HCN2: variants seen among roughly 807,000 people sequenced by gnomAD.
The protein encoded by HCN2 is potassium/sodium hyperpolarization-activated cyclic nucleotide-gated channel 2.
Under a neutral mutation model 52.3 loss-of-function variants are expected in HCN2, and 20 were observed. The ratio of observed to expected loss-of-function variants is 0.38; its 90% confidence interval spans 0.27 to 0.56. The LOEUF (loss-of-function observed/expected upper bound fraction) is 0.56, where lower values mean the gene tolerates loss of function less well. HCN2 is among the 20% of genes least tolerant of loss of function. The pLI, the probability that HCN2 is intolerant of heterozygous loss-of-function variation, is 0.71. For missense variants in HCN2, 981 were observed against 1,207.7 expected (o/e 0.81, Z 2.78); for synonymous variants, 694 against 537.0 (o/e 1.29, Z -4.04).
intron 6 of HCN2, 130 bp from the exon 7 acceptor site, chr19:613,717 GGGGCC>G: frequency 1.1e-6 from 1 of 928,898 alleles, no homozygotes; most frequent in Non-Finnish European, 1.4e-6. Flanking sequence ...GGATGGGGCC[GGGGCC>G]GGCACCAGGG....
At position 590,731 on chromosome 19, in the gene HCN2, C is replaced by T; in HGVS notation, c.632+154C>T. The T allele has an allele frequency of 4.3e-6, 2 of 461,328 alleles. No individual in the cohort carries two copies. Among genetic ancestry groups the T allele is most frequent in the Non-Finnish European group, 6.6e-6 (2 of 300,890 alleles). The allele number at this position is 461,328 out of a possible 1,614,324, so 28.6% of individuals were successfully genotyped here. A position where few individuals can be genotyped will look rare whatever the true frequency, so the allele number is the denominator to read the frequency against. ...ACCTCGGGCGTGTCCGGGACCCGCC[C>T]CGGAGTGACCCCGGCGCGCGAGGCT... is the stretch of plus-strand genomic sequence containing the variant. On this transcript the variant is annotated intron_variant, in intron 1 of 7. Coordinates refer to ENST00000251287, the MANE Select transcript of HCN2 (RefSeq NM_001194.4). This position sits in a 1 kb window ranked among gnomAD's most constrained non-coding sequence, Gnocchi z 7.2.
chr19:598,095 G>T (rs1983092960), intron 1 of HCN2, among the ~76,000 whole-genome samples: 1 of 152,220 alleles, frequency 6.6e-6, no homozygotes, highest in South Asian at 2.1e-4. Flanking sequence ...GAGGGGCAGG[G>T]GGCCAGCGGC....
chr19:597,911 G>C (rs1465330107), intron 1 of HCN2, among the ~76,000 whole-genome samples: 1 of 152,186 alleles, frequency 6.6e-6, no homozygotes, highest in Non-Finnish European at 1.5e-5. Context: ...GGTCTCTGGA[G>C]CCCCCTGGGA....
In HCN2 at chr19:616,288, T is replaced by A; in HGVS notation, c.2484T>A (p.Pro828=). 9.3e-7 allele frequency: 1 copy of A among 1,074,354 alleles called. No individual in the cohort carries two copies. Among genetic ancestry groups the A allele is most frequent in the Non-Finnish European group, 1.1e-6 (1 of 887,692 alleles). The allele number at this position is 1,074,354 out of a possible 1,614,324, so 66.6% of individuals were successfully genotyped here. A position where few individuals can be genotyped will look rare whatever the true frequency, so the allele number is the denominator to read the frequency against. Residue 828 remains proline (P), a synonymous_variant, in exon 8 of 8, where the codon CCT becomes CCA. Transcript: ENST00000251287. ...TGTCCGCCTCGCAGCCCTCGCTGCCTCACGGCGCCCCCGGCCCCGCGGCCT... is the reference window on the plus strand; with the variant it reads ...TGTCCGCCTCGCAGCCCTCGCTGCCACACGGCGCCCCCGGCCCCGCGGCCT... ...RPLSASQPSL[P]HGAPGPAAST...
chr19:612,859 G>A (rs1474529248), intron 5 of HCN2, among the ~76,000 whole-genome samples: 3 of 140,950 alleles, frequency 2.1e-5, no homozygotes, highest in Non-Finnish European at 4.6e-5. Context: ...TTTTTTTTCC[G>A]GTAGAGACGG....
In HCN2 at chr19:590,410, G is replaced by C. The variant is rs765384588; in HGVS notation, c.465G>C (p.Pro155=). The C allele has an allele frequency of 5.9e-5, 81 of 1,363,936 alleles. No homozygotes were observed. Among genetic ancestry groups the C allele is most frequent in the Non-Finnish European group, 7.7e-5 (81 of 1,045,336 alleles). The allele number at this position is 1,363,936 out of a possible 1,614,324, so 84.5% of individuals were successfully genotyped here. Residue 155 remains proline (P), a synonymous_variant, in exon 1 of 8, where the codon CCG becomes CCC. Coordinates refer to ENST00000251287, the MANE Select transcript of HCN2 (RefSeq NM_001194.4). This position sits in a 1 kb window ranked among gnomAD's most constrained non-coding sequence, Gnocchi z 7.2. ...AGGAGGCGGGCCCGGCGGGGGAGCC[G>C]CGCGGCAGCCAGGCCAGCTTCATGC... ...GSEEAGPAGE[P]RGSQASFMQR... is the part of the protein sequence containing the mutation.
In HCN2 at chr19:610,241, C is replaced by G. The variant is rs751480058; in HGVS notation, c.1438-18C>G. 1.9e-6 allele frequency: 3 copies of G among 1,607,812 alleles called. No homozygotes were observed. The highest frequency in any genetic ancestry group is 2.2e-5 in the South Asian group (2 of 90,874). On this transcript the variant is annotated intron_variant, in intron 4 of 7. Transcript: ENST00000251287. ...GGCCGGGGGCGGTGTCTGACCCAGC[C>G]TCGCCTCCTCCCCACAGTACAAGCA...
chr19:617,091 C>G lies in HCN2; in HGVS notation c.*617C>G, dbSNP rs888751264. 6.9e-6 allele frequency: 4 copies of G among 582,140 alleles called. No individual in the cohort carries two copies. The highest frequency in any genetic ancestry group is 5.7e-5 in the South Asian group (3 of 52,546). 36.1% of individuals were successfully genotyped at this position (582,140 alleles called of 1,614,324 possible). ...CGAGCCGAGGCAGCAGTGCCCCCACCGTGGCCCCCCACGCCCCATTAACCC... is the reference window on the plus strand; with the variant it reads ...CGAGCCGAGGCAGCAGTGCCCCCACGGTGGCCCCCCACGCCCCATTAACCC... On this transcript the variant is annotated 3_prime_UTR_variant, in exon 8 of 8. Coordinates refer to ENST00000251287, the MANE Select transcript of HCN2 (RefSeq NM_001194.4).
At chr19:613,007 G>A (rs983767212) in intron 5 of HCN2, among the ~76,000 whole-genome samples, 9 of 152,188 alleles carry the variant, frequency 5.9e-5, no homozygotes, top group Admixed American at 5.9e-4. Context: ...GTCTACAGCC[G>A]CCCCTCCTGG....
chr19:612,427 T>TGTGTGTGTGTGAGAGAGAGA, intron 5 of HCN2, among the ~76,000 whole-genome samples: 129 of 142,354 alleles, frequency 9.1e-4, no homozygotes, highest in African/African-American at 3.2e-3. Flanking sequence ...TGTGTGTGTG[T>TGTGTGTGTGTGAGAGAGAGA]GAGAGAGAGA....
chr19:612,427 T>TGTGTGTGTGTGTGTGAGAGA lies in HCN2; in HGVS notation c.1585-820_1585-819insTGTGTGTGTGTGTGAGAGAG. On this transcript the variant is annotated intron_variant, in intron 5 of 7. Transcript: ENST00000251287. ...GTGTGTGTGTGTGTGTGTGTGTGTG[T>TGTGTGTGTGTGTGTGAGAGA]GAGAGAGAGATGGAGTCTCGCTCTG... Among the ~76,000 whole-genome samples the TGTGTGTGTGTGTGTGAGAGA allele has an allele frequency of 1.3e-3, 189 of 142,342 alleles. 1 individual carries two copies. The highest frequency in any genetic ancestry group is 1.7e-3 in the Admixed American group (24 of 14,244). The allele number at this position is 142,342 out of a possible 152,430, so 93.4% of individuals were successfully genotyped here.
At position 607,971 on chromosome 19, in the gene HCN2, C is replaced by T. The variant is rs756318406; in HGVS notation, c.1226C>T (p.Ser409Leu). 1.2e-6 allele frequency: 2 copies of T among 1,610,918 alleles called. No individual in the cohort carries two copies. Among genetic ancestry groups the T allele is most frequent in the Non-Finnish European group, 1.7e-6 (2 of 1,179,122 alleles). ...WVSINGMVNHSWSELYSFALF... is the reference protein window; with the variant it reads ...WVSINGMVNHLWSELYSFALF... Reference sequence around the variant, plus strand: ...CTCCTGCTGGCCTTGCAGAACCACTCGTGGAGTGAACTGTACTCCTTCGCA... The same window carrying T: ...CTCCTGCTGGCCTTGCAGAACCACTTGTGGAGTGAACTGTACTCCTTCGCA... The change falls in exon 4 of 8, where the codon TCG becomes TTG. Residue 409 changes from serine (S) to leucine (L), a missense_variant. This residue lies in a region of HCN2 where 282 missense variants were observed against 553.8 expected (regional missense o/e 0.51). Transcript: ENST00000251287.
At position 592,668 on chromosome 19, in the gene HCN2, T is replaced by C. The variant is rs954878503; in HGVS notation, c.632+2091T>C. On this transcript the variant is annotated intron_variant, in intron 1 of 7. Transcript: ENST00000251287. This position sits in a 1 kb window ranked among gnomAD's most constrained non-coding sequence, Gnocchi z 4.8. ...AGATTTTAAAAAAGGATTTCGATGT[T>C]GCCAAGCTGGGTGCACGGGGCCCCT... is the stretch of plus-strand genomic sequence containing the variant. 1.3e-5 allele frequency among the ~76,000 whole-genome samples: 2 copies of C among 152,004 alleles called. No homozygotes were observed. Among genetic ancestry groups the C allele is most frequent in the African/African-American group, 4.8e-5 (2 of 41,362 alleles).
At chr19:606,619 G>C (rs1983435490) in intron 3 of HCN2, among the ~76,000 whole-genome samples, 1 of 151,858 alleles carries the variant, frequency 6.6e-6, no homozygotes, top group Non-Finnish European at 1.5e-5. Flanking sequence ...TTGGGAGGCT[G>C]AGGCAGGCGG....
At chr19:610,549 C>T (rs1180935496) in intron 5 of HCN2, 144 bp downstream of exon 5, 7 of 682,088 alleles carry the variant, frequency 1.0e-5, no homozygotes, top group Non-Finnish European at 1.2e-5. Flanking sequence ...CGTACACACC[C>T]TCCCCTCCCC....
At chr19:610,589 C>T (rs1002382611) in intron 5 of HCN2, among the ~76,000 whole-genome samples, 184 bp downstream of exon 5, 8 of 152,156 alleles carry the variant, frequency 5.3e-5, no homozygotes, top group Non-Finnish European at 8.8e-5. Context: ...CCCCAGGACC[C>T]CCGCCACCCC....
chr19:617,078 G>C lies in HCN2; in HGVS notation c.*604G>C. ...ATGAATGTACTGACGAGCCGAGGCA[G>C]CAGTGCCCCCACCGTGGCCCCCCAC... On this transcript the variant is annotated 3_prime_UTR_variant, in exon 8 of 8. Coordinates refer to ENST00000251287, the MANE Select transcript of HCN2 (RefSeq NM_001194.4). The C allele has an allele frequency of 1.7e-6, 1 of 594,318 alleles. No individual in the cohort carries two copies. The highest frequency in any genetic ancestry group is 1.9e-5 in the South Asian group (1 of 52,664). 36.8% of individuals were successfully genotyped at this position (594,318 alleles called of 1,614,324 possible).
At chr19:606,229 T>A (rs1983423988) in intron 3 of HCN2, among the ~76,000 whole-genome samples, 1 of 151,810 alleles carries the variant, frequency 6.6e-6, no homozygotes, top group African/African-American at 2.4e-5. Flanking sequence ...GCCTCCCGAG[T>A]AGCTGGGACT....
chr19:604,445 C>G (rs1983330998), intron 2 of HCN2, among the ~76,000 whole-genome samples: 1 of 125,766 alleles, frequency 8.0e-6, no homozygotes, highest in Admixed American at 9.0e-5. Context: ...AGGGGCAGGG[C>G]TATGATGCTG....
Sources: allele counts gnomAD v4.1 joint callset (sites outside exome capture counted in the v4.1 genomes callset), GRCh38; gene constraint gnomAD v4.1.1; regional missense constraint gnomAD v4.1.1; non-coding constraint Gnocchi (gnomAD v3.1); transcripts MANE v1.5; gene names NCBI Gene and HGNC (gene_info 2026-07-23, HGNC 2026-07-21).